Variants in SLC22A25 observed in about 807,000 individuals in gnomAD.
SLC22A25 encodes the protein MGI:2442751, MGI:2385316, MGI:3042283, MGI:3645714, MGI:3605624, MGI:2442750.
A neutral mutation model predicts 45.9 loss-of-function variants in SLC22A25; 44 were observed. The observed-to-expected ratio is 0.96, with a 90% confidence interval of 0.75 to 1.23. The LOEUF is 1.23. SLC22A25 is among the 50% of genes most tolerant of loss of function. SLC22A25 has a pLI of 0.00. For missense variants in SLC22A25, 800 were observed against 666.4 expected, an observed-to-expected ratio of 1.20 and a Z score of -2.21; for synonymous variants, 283 against 238.6, an observed-to-expected ratio of 1.19 and a Z score of -1.72.
chr11:63,183,204 A>G (rs2088393213), intron 8 of SLC22A25, among the ~76,000 whole-genome samples: 1 of 152,150 alleles, frequency 6.6e-6, no homozygotes, highest in Non-Finnish European at 1.5e-5. Context: ...TGGTACTGTC[A>G]TATTTCCAAG....
intron 5 of SLC22A25, among the ~76,000 whole-genome samples, chr11:63,221,280 C>T (rs1186898828): frequency 1.3e-5 from 2 of 152,120 alleles, no homozygotes; most frequent in Non-Finnish European, 2.9e-5. Context: ...ACATCCTCAC[C>T]AGCATTTATT....
rs2134701976 is a variant in SLC22A25, at chr11:63,163,029, A to T, written c.*795T>A. On this transcript the variant is annotated 3_prime_UTR_variant, in exon 12 of 12. Coordinates refer to ENST00000306494, the MANE Select transcript of SLC22A25 (RefSeq NM_199352.6). ...CAAAAATGAAAGACATGGACTAAACATATAAGTCCTGCATTCTTTAGGACA... is the reference window on the plus strand; with the variant it reads ...CAAAAATGAAAGACATGGACTAAACTTATAAGTCCTGCATTCTTTAGGACA... Among the ~76,000 whole-genome samples, 1 of 152,330 alleles carries T rather than the reference A, an allele frequency of 6.6e-6. No individual in the cohort carries two copies. Among genetic ancestry groups the T allele is most frequent in the African/African-American group, 2.4e-5 (1 of 41,572 alleles).
At chr11:63,220,152 T>A in intron 5 of SLC22A25, 1 of 482,712 alleles carries the variant, frequency 2.1e-6, no homozygotes, top group Non-Finnish European at 3.3e-6. Flanking sequence ...TCTAAAAAGC[T>A]GTTTTTGCAA....
intron 7 of SLC22A25, among the ~76,000 whole-genome samples, chr11:63,191,168 G>A (rs1190769002): frequency 6.6e-6 from 1 of 152,216 alleles, no homozygotes; most frequent in African/African-American, 2.4e-5. Flanking sequence ...AGGCAGGCAG[G>A]CCTCCTCAAG....
chr11:63,166,496 G>T, intron 9 of SLC22A25: 3 of 1,252,730 alleles, frequency 2.4e-6, no homozygotes, highest in East Asian at 3.4e-5. Context: ...TGTGCTATGG[G>T]GTTTATTTAT....
intron 7 of SLC22A25, among the ~76,000 whole-genome samples, chr11:63,212,217 G>T (rs1265854506): frequency 2.1e-4 from 16 of 75,730 alleles, no homozygotes; most frequent in African/African-American, 3.7e-4. Context: ...TACACTGTTG[G>T]TGGGACTGTA....
In SLC22A25 at chr11:63,180,671, C is replaced by G. The variant is rs771234023; in HGVS notation, c.1059G>C (p.Leu353=). The change falls in exon 9 of 12, where the codon CTG becomes CTC. Residue 353 remains leucine, a synonymous_variant. Coordinates refer to ENST00000306494, the MANE Select transcript of SLC22A25 (RefSeq NM_199352.6). ...IPNICKRICF[L]SFVRFASTIP... ...TGCATGAAACTTACCTCACAAAGGA[C>G]AGGAAACAGATTCTTTTACATATGT... The G allele has an allele frequency of 2.5e-6, 4 of 1,611,442 alleles. No individual in the cohort carries two copies. In the South Asian group the frequency reaches 4.4e-5, roughly 18 times the overall value.
At chr11:63,211,623 G>C (rs529695473) in intron 7 of SLC22A25, among the ~76,000 whole-genome samples, 59 of 152,256 alleles carry the variant, frequency 3.9e-4, no homozygotes, top group African/African-American at 1.3e-3. Context: ...TATGTAGAAA[G>C]CTGAAACTGG....
intron 7 of SLC22A25, among the ~76,000 whole-genome samples, chr11:63,197,204 C>A (rs989122975): frequency 1.8e-4 from 28 of 152,052 alleles, no homozygotes; most frequent in Non-Finnish European, 3.4e-4. Flanking sequence ...AGATTCAATA[C>A]CATCCCCATC....
intron 5 of SLC22A25, among the ~76,000 whole-genome samples, chr11:63,218,813 T>C (rs2089784174): frequency 6.6e-6 from 1 of 152,216 alleles, no homozygotes; most frequent in South Asian, 2.1e-4. Context: ...ACTTGGACAA[T>C]GTGGCATGTG....
intron 7 of SLC22A25, among the ~76,000 whole-genome samples, chr11:63,193,234 T>C (rs955879596): frequency 1.3e-5 from 2 of 151,312 alleles, no homozygotes; most frequent in East Asian, 1.9e-4. Flanking sequence ...GCATGAGTGA[T>C]GAAGAAGATG....
In SLC22A25 at chr11:63,164,544, A is replaced by T; in HGVS notation, c.1376T>A (p.Leu459Gln). ...TTTGTACCTGATTATGGAAGGAATT[A>T]GTTCATTTTCTTGGGCAGTAGAACA... Reference protein sequence around the residue: ...ITCSTAQENELIPSIIRGRAT... With the variant: ...ITCSTAQENEQIPSIIRGRAT... Residue 459 changes from leucine (L) to glutamine (Q), a missense_variant, in exon 11 of 12, where the codon CTA becomes CAA. Transcript: ENST00000306494. 1.2e-6 allele frequency: 2 copies of T among 1,613,712 alleles called. No homozygotes were observed. The highest frequency in any genetic ancestry group is 2.2e-5 in the South Asian group (2 of 91,070).
At chr11:63,235,996 C>G (rs977463663) in intron 3 of SLC22A25, among the ~76,000 whole-genome samples, 2 of 152,180 alleles carry the variant, frequency 1.3e-5, no homozygotes, top group Admixed American at 1.3e-4. Flanking sequence ...CTGATCATTC[C>G]TCTGGGAGTT....
chr11:63,172,392 A>G (rs1056525117), intron 9 of SLC22A25, among the ~76,000 whole-genome samples: 2 of 152,130 alleles, frequency 1.3e-5, no homozygotes, highest in Non-Finnish European at 2.9e-5. Flanking sequence ...TGCCATCTAT[A>G]CATCTGACAA....
chr11:63,164,516 A>T lies in SLC22A25; in HGVS notation c.1394+10T>A. ...TTTGAGAATGACAGAGCACACATAA[A>T]CTTTTGTACCTGATTATGGAAGGAA... On this transcript the variant is annotated intron_variant, in intron 11 of 11. Coordinates refer to ENST00000306494, the MANE Select transcript of SLC22A25 (RefSeq NM_199352.6). 1 of 1,609,746 alleles carries T rather than the reference A, an allele frequency of 6.2e-7. No individual in the cohort carries two copies. The highest frequency in any genetic ancestry group is 8.5e-7 in the Non-Finnish European group (1 of 1,176,286).
chr11:63,237,256 C>T (rs1194389927), intron 3 of SLC22A25, among the ~76,000 whole-genome samples: 2 of 152,092 alleles, frequency 1.3e-5, no homozygotes, highest in Admixed American at 1.3e-4. Flanking sequence ...GTGCTCACTG[C>T]CTGGGTATAA....
chr11:63,187,976 G>A (rs1394960201), intron 7 of SLC22A25, among the ~76,000 whole-genome samples: 2 of 152,050 alleles, frequency 1.3e-5, no homozygotes, highest in Non-Finnish European at 2.9e-5. Flanking sequence ...TTTGCATCAA[G>A]GTTCATCAGG....
chr11:63,218,674 T>C (rs11231410), intron 5 of SLC22A25, among the ~76,000 whole-genome samples: 56,506 of 151,916 alleles, frequency 0.37, 10,752 homozygotes, highest in East Asian at 0.56. Flanking sequence ...CATAGGTAAA[T>C]GGATGTGAAA....
chr11:63,169,362 A>C (rs2087796431), intron 9 of SLC22A25, among the ~76,000 whole-genome samples: 1 of 152,224 alleles, frequency 6.6e-6, no homozygotes, highest in African/African-American at 2.4e-5. Context: ...CAATTAAAAG[A>C]CACAGACTGG....
Sources: gnomAD v4.1 joint callset for allele counts (sites outside exome capture counted in the v4.1 genomes callset) on GRCh38, gnomAD v4.1.1 for gene constraint, MANE v1.5 for transcripts, NCBI Gene and HGNC (gene_info 2026-07-23, HGNC 2026-07-21) for gene names.